Variants in IL2RB observed in about 807,000 individuals in gnomAD.
IL2RB encodes the protein interleukin 2 receptor subunit beta, also known as interleukin-2 receptor subunit beta.
Under a neutral mutation model 44.2 loss-of-function variants are expected in IL2RB, and 17 were observed. The ratio of observed to expected loss-of-function variants is 0.38; its 90% CI spans 0.26 to 0.58. The LOEUF (loss-of-function observed/expected upper bound fraction) is 0.58. Among genes scored for constraint, IL2RB ranks in the 20% least tolerant of loss-of-function variants. IL2RB has a pLI of 0.63. For missense variants in IL2RB, 624 were observed against 685.5 expected (o/e 0.91, Z 1.00); for synonymous variants, 286 against 297.9 (o/e 0.96, Z 0.41).
At chr22:37,173,756 G>T (rs5756534) in intron 1 of IL2RB, among the ~76,000 whole-genome samples, 109,524 of 151,844 alleles carry the variant, frequency 0.72, 43,437 homozygotes, top group East Asian at 1. Flanking sequence ...TGCCAGGGGG[G>T]GTTGGGGAGG....
rs562868655 is a variant in IL2RB at position 37,129,348 on chromosome 22, C to T, written c.904-500G>A. Among the ~76,000 whole-genome samples the T allele has an allele frequency of 5.3e-5, 8 of 152,156 alleles. No individual in the cohort carries two copies. In the South Asian group the frequency reaches 1.5e-3, roughly 28 times the overall value. ...CTGGCCCTGATCACAGACCAGCAGGCGGCAGAGCTGGGACCCAGGGTCTCC... is the reference window on the plus strand; with the variant it reads ...CTGGCCCTGATCACAGACCAGCAGGTGGCAGAGCTGGGACCCAGGGTCTCC... On this transcript the variant is annotated intron_variant, in intron 9 of 9. Transcript: ENST00000216223.
chr22:37,139,348 G>T, intron 4 of IL2RB, 126 bp from the exon 5 acceptor site: 2 of 643,934 alleles, frequency 3.1e-6, no homozygotes, highest in Non-Finnish European at 2.8e-6. Flanking sequence ...GGCAGGGGCA[G>T]CAAATGTTTT....
upstream of IL2RB, among the ~76,000 whole-genome samples, chr22:37,150,193 T>C (rs938040754): frequency 6.6e-6 from 1 of 150,976 alleles, no homozygotes; most frequent in Admixed American, 6.6e-5. Context: ...AGGCCCTCCC[T>C]CTCTCCCCTC....
chr22:37,141,942 C>T lies in IL2RB; in HGVS notation c.282+492G>A, dbSNP rs961641533. On this transcript the variant is annotated intron_variant, in intron 4 of 9. Coordinates refer to ENST00000216223, the MANE Select transcript of IL2RB (RefSeq NM_000878.5). This position sits in a 1 kb window ranked among gnomAD's most constrained non-coding sequence, Gnocchi z 4.4. ...GGGCCTTGACCCAACAAGGTAGGTG[C>T]CATTATTATGCCCATTTTACAGAAG... Among the ~76,000 whole-genome samples, 2 of 152,060 alleles carry T rather than the reference C, an allele frequency of 1.3e-5. No individual in the cohort carries two copies. The highest frequency in any genetic ancestry group is 2.4e-5 in the African/African-American group (1 of 41,420).
At chr22:37,144,263 C>T in intron 1 of IL2RB, 58 bp from the exon 2 acceptor site, 1 of 1,482,212 alleles carries the variant, frequency 6.7e-7, no homozygotes. Flanking sequence ...GCCTCGCTGC[C>T]CCTAGAGGCA....
At chr22:37,135,215 T>G in intron 8 of IL2RB, 113 bp downstream of exon 8, 1 of 697,296 alleles carries the variant, frequency 1.4e-6, no homozygotes, top group Non-Finnish European at 2.6e-6. Flanking sequence ...TGTGTTCATG[T>G]AAGTGTGTGT....
chr22:37,174,924 T>C (rs1434493021), intron 1 of IL2RB: 5 of 152,174 alleles, frequency 3.3e-5, no homozygotes, highest in African/African-American at 1.2e-4. Flanking sequence ...TGAGGCTGGA[T>C]AATTTAGAAA....
At chr22:37,146,525 T>C (rs928866967) in intron 1 of IL2RB, among the ~76,000 whole-genome samples, 1 of 152,170 alleles carries the variant, frequency 6.6e-6, no homozygotes, top group Non-Finnish European at 1.5e-5. Flanking sequence ...CCCAAGTCTA[T>C]CCTTTCCCTG....
At chr22:37,159,517 G>A (rs1922788677) in intron 1 of IL2RB, among the ~76,000 whole-genome samples, 1 of 152,232 alleles carries the variant, frequency 6.6e-6, no homozygotes, top group Non-Finnish European at 1.5e-5. Flanking sequence ...GCTAGATCTG[G>A]GTATCACCTG....
chr22:37,151,200 C>T (rs1330573258), upstream of IL2RB, among the ~76,000 whole-genome samples: 2 of 152,170 alleles, frequency 1.3e-5, no homozygotes, highest in African/African-American at 4.8e-5. Context: ...CAACAGTGTA[C>T]GAGAGTTCCC....
At chr22:37,163,246 G>A (rs1481092333) in intron 1 of IL2RB, among the ~76,000 whole-genome samples, 2 of 152,208 alleles carry the variant, frequency 1.3e-5, no homozygotes, top group Non-Finnish European at 2.9e-5. Flanking sequence ...GCAGCTGAGT[G>A]TGGTCCAGCT....
chr22:37,131,850 T>C (rs1327641351), intron 9 of IL2RB, among the ~76,000 whole-genome samples: 3 of 152,058 alleles, frequency 2.0e-5, no homozygotes, highest in Non-Finnish European at 4.4e-5. Context: ...GATTCCCCTG[T>C]CTCAGCCTCC....
At chr22:37,168,145 A>G (rs1923143302) in intron 1 of IL2RB, among the ~76,000 whole-genome samples, 1 of 152,266 alleles carries the variant, frequency 6.6e-6, no homozygotes, top group Non-Finnish European at 1.5e-5. Flanking sequence ...CTGAACTTTC[A>G]GAACAGTCCT....
Position 37,128,858 on chromosome 22 carries a change from G to A in IL2RB, c.904-10C>T. The A allele has an allele frequency of 6.3e-7, 1 of 1,589,598 alleles. No homozygotes were observed. Among genetic ancestry groups the A allele is most frequent in the Non-Finnish European group, 8.6e-7 (1 of 1,164,248 alleles). ...GCGAAGAGAGCCACTTCTGGTGGGA[G>A]AAAGGCCAGGGGTGGGTGAGTGGGG... On this transcript the variant is annotated splice_polypyrimidine_tract_variant and intron_variant, in intron 9 of 9. Coordinates refer to ENST00000216223, the MANE Select transcript of IL2RB (RefSeq NM_000878.5). This position sits in a 1 kb window ranked among gnomAD's most constrained non-coding sequence, Gnocchi z 4.5.
At chr22:37,153,125 G>T (rs572105387), upstream of IL2RB, among the ~76,000 whole-genome samples, 1 of 152,066 alleles carries the variant, frequency 6.6e-6, no homozygotes, top group South Asian at 2.1e-4. Flanking sequence ...AGTAGAGACG[G>T]GGTTTCCCCA....
At chr22:37,142,682 G>C in intron 3 of IL2RB, 170 bp from the exon 4 acceptor site, 1 of 724,602 alleles carries the variant, frequency 1.4e-6, no homozygotes, top group Non-Finnish European at 2.5e-6. Flanking sequence ...TGGCTCCATG[G>C]CATTCCTCCC....
chr22:37,157,416 G>C (rs1466651045), intron 1 of IL2RB, among the ~76,000 whole-genome samples: 1 of 152,184 alleles, frequency 6.6e-6, no homozygotes, highest in Non-Finnish European at 1.5e-5. Flanking sequence ...GAAGCCCCAC[G>C]TTCTTCCCTG....
chr22:37,156,112 C>G (rs767993602), intron 1 of IL2RB, among the ~76,000 whole-genome samples: 31 of 152,228 alleles, frequency 2.0e-4, no homozygotes, highest in Non-Finnish European at 3.7e-4. Context: ...GCCTCCCTCT[C>G]CACTCCGCCT....
intron 1 of IL2RB, among the ~76,000 whole-genome samples, chr22:37,157,567 T>G (rs146652783): frequency 6.6e-6 from 1 of 151,324 alleles, no homozygotes. Flanking sequence ...CTGAGGGGGG[T>G]TTCCAGAACA....
Sources: gnomAD v4.1 joint callset for allele counts (sites outside exome capture counted in the v4.1 genomes callset) on GRCh38, gnomAD v4.1.1 for gene constraint, Gnocchi (gnomAD v3.1) non-coding constraint, MANE v1.5 for transcripts, NCBI Gene and HGNC (gene_info 2026-07-23, HGNC 2026-07-21) for gene names.